The following MAD1L1 variants were observed in gnomAD, a reference collection of about 807,000 sequenced individuals.
MAD1L1 encodes mitotic spindle assembly checkpoint protein MAD1.
In MAD1L1, 95 loss-of-function variants were observed where a neutral mutation model predicts 96.9. The observed-to-expected ratio is 0.98, with a 90% CI of 0.83 to 1.16. The LOEUF (loss-of-function observed/expected upper bound fraction) is 1.16, where lower values mean the gene tolerates loss of function less well. MAD1L1 is among the 50% of genes most tolerant of loss of function. MAD1L1 has a pLI of 0.00. For synonymous variants in MAD1L1, 473 were observed against 396.6 expected (o/e 1.19, Z -2.29); for missense variants, 1,007 against 954.4 (o/e 1.06, Z -0.73).
chr7:1,870,954 G>GT (rs1410829793), intron 18 of MAD1L1, among the ~76,000 whole-genome samples: 1 of 124,452 alleles, frequency 8.0e-6, no homozygotes, highest in Admixed American at 8.3e-5. Context: ...TGAACCCACC[G>GT]TAACACCTGC....
chr7:2,222,788 C>T (rs765964897), intron 4 of MAD1L1, 34 bp from the exon 5 acceptor site: 42 of 1,535,044 alleles, frequency 2.7e-5, no homozygotes, highest in Middle Eastern at 3.9e-4. Context: ...TGCCACGTGC[C>T]GCCCACGGGA....
intron 11 of MAD1L1, among the ~76,000 whole-genome samples, chr7:2,083,021 G>T (rs867578436): frequency 1.2e-4 from 18 of 152,204 alleles, no homozygotes; most frequent in South Asian, 4.1e-4. Context: ...AATCAGGAAC[G>T]GGTGGCACAG....
At chr7:1,923,896 T>C (rs1403249422) in intron 17 of MAD1L1, among the ~76,000 whole-genome samples, 2 of 152,158 alleles carry the variant, frequency 1.3e-5, no homozygotes, top group East Asian at 3.8e-4. Flanking sequence ...GGACACAAGG[T>C]TCAATGGCCT....
At chr7:2,173,133 A>T (rs1287534078) in intron 10 of MAD1L1, among the ~76,000 whole-genome samples, 1 of 152,238 alleles carries the variant, frequency 6.6e-6, no homozygotes, top group Non-Finnish European at 1.5e-5. Flanking sequence ...CCCAGTTCCC[A>T]GCCTCAGAAG....
intron 10 of MAD1L1, among the ~76,000 whole-genome samples, chr7:2,159,689 C>T (rs909412451): frequency 2.0e-5 from 3 of 152,276 alleles, no homozygotes; most frequent in South Asian, 2.1e-4. Context: ...CTAAATGCTA[C>T]GCAAGTCATT....
intron 18 of MAD1L1, among the ~76,000 whole-genome samples, chr7:1,869,609 T>C (rs1165725123): frequency 6.6e-6 from 1 of 152,114 alleles, no homozygotes. Flanking sequence ...AACATAACCA[T>C]GTTCCAGCCT....
intron 14 of MAD1L1, chr7:1,980,771 C>A: frequency 1.6e-6 from 1 of 641,542 alleles, no homozygotes; most frequent in Non-Finnish European, 3.0e-6. Context: ...TGAATAGCAA[C>A]AGATGCACAG....
At chr7:2,094,439 T>G (rs906664974) in intron 11 of MAD1L1, among the ~76,000 whole-genome samples, 5 of 151,944 alleles carry the variant, frequency 3.3e-5, no homozygotes, top group Non-Finnish European at 7.4e-5. Context: ...GGATGAGAAA[T>G]AAGACACAAA....
chr7:1,868,028 G>A (rs766355099), intron 18 of MAD1L1, among the ~76,000 whole-genome samples: 5 of 152,084 alleles, frequency 3.3e-5, no homozygotes, highest in Admixed American at 6.5e-5. Flanking sequence ...CCCACATGGC[G>A]CTGAGCAGAC....
chr7:1,980,642 C>G, intron 14 of MAD1L1, 101 bp from the exon 15 acceptor site: 1 of 912,400 alleles, frequency 1.1e-6, no homozygotes, highest in Non-Finnish European at 1.8e-6. Flanking sequence ...GCAGCACCCC[C>G]GCCCTGGGCT....
intron 11 of MAD1L1, among the ~76,000 whole-genome samples, chr7:2,140,559 C>T (rs770619959): frequency 5.3e-5 from 8 of 152,258 alleles, no homozygotes; most frequent in Non-Finnish European, 1.0e-4. Context: ...TGAAGAGCCT[C>T]GTCTGCCTTA....
chr7:2,067,138 G>A (rs370089003), intron 12 of MAD1L1, among the ~76,000 whole-genome samples: 6 of 152,272 alleles, frequency 3.9e-5, no homozygotes, highest in South Asian at 2.1e-4. Flanking sequence ...TGCACTCAAG[G>A]GGGTGCCACC....
chr7:2,089,269 C>T (rs1786085559), intron 11 of MAD1L1: 1 of 152,326 alleles, frequency 6.6e-6, no homozygotes, highest in African/African-American at 2.4e-5. Context: ...CCAGAATTCC[C>T]ACAGGCTGTG....
At chr7:1,941,030 G>A (rs576010217) in intron 16 of MAD1L1, among the ~76,000 whole-genome samples, 6 of 23,442 alleles carry the variant, frequency 2.6e-4, no homozygotes, top group African/African-American at 7.2e-4. Context: ...CTTCAACACC[G>A]CGGACCTCCT....
intron 10 of MAD1L1, among the ~76,000 whole-genome samples, chr7:2,170,093 G>A (rs1005161146): frequency 2.6e-5 from 4 of 152,192 alleles, no homozygotes; most frequent in African/African-American, 9.7e-5. Context: ...GCCAGGCTCT[G>A]GCCACAGCTA....
intron 17 of MAD1L1, among the ~76,000 whole-genome samples, chr7:1,922,863 T>C (rs1237759812): frequency 1.3e-5 from 2 of 152,250 alleles, no homozygotes; most frequent in African/African-American, 2.4e-5. Context: ...TGTGCATCCG[T>C]TGGTTTGGCC....
intron 18 of MAD1L1, among the ~76,000 whole-genome samples, chr7:1,827,726 C>CCGGG (rs1782495752): frequency 9.6e-6 from 1 of 104,316 alleles, no homozygotes; most frequent in Non-Finnish European, 2.2e-5. Context: ...CCTCCTGAGC[C>CCGGG]CTGCGTGGCT....
intron 15 of MAD1L1, among the ~76,000 whole-genome samples, chr7:1,959,519 A>G (rs1784620900): frequency 6.6e-6 from 1 of 152,214 alleles, no homozygotes. Flanking sequence ...GCAGCCCCAG[A>G]GCACATCAGG....
chr7:1,848,014 T>C, intron 18 of MAD1L1: 1 of 339,816 alleles, frequency 2.9e-6, no homozygotes, highest in Non-Finnish European at 5.8e-6. Context: ...CTGTGGACTC[T>C]CATGACAGAG....
Sources: allele counts gnomAD v4.1 joint callset (sites outside exome capture counted in the v4.1 genomes callset), GRCh38; gene constraint gnomAD v4.1.1; transcripts MANE v1.5; gene names NCBI Gene and HGNC (gene_info 2026-07-23, HGNC 2026-07-21).